The following CDH18 variants were observed in gnomAD, a reference collection of about 807,000 sequenced individuals.
CDH18 encodes the protein cadherin-18.
In CDH18, 31 loss-of-function variants were observed where a neutral mutation model predicts 67.9. The ratio of observed to expected loss-of-function variants is 0.46; its 90% CI spans 0.34 to 0.62. CDH18 has a LOEUF of 0.62. Among genes scored for constraint, CDH18 ranks in the 20% least tolerant of loss-of-function variants. The probability of loss-of-function intolerance (pLI) is 0.01; values close to 1 mark genes in which losing one functional copy is unlikely to be tolerated. For missense variants in CDH18, 890 were observed against 975.5 expected (o/e 0.91, Z 1.17); for synonymous variants, 362 against 347.2 (o/e 1.04, Z -0.48).
At chr5:20,538,026 A>AT (rs1756827033) in intron 1 of CDH18, among the ~76,000 whole-genome samples, 3 of 152,154 alleles carry the variant, frequency 2.0e-5, no homozygotes, top group African/African-American at 7.2e-5. Flanking sequence ...AGCCCATTCT[A>AT]TTTTTTGATA....
At chr5:19,669,291 T>C (rs1183947942) in intron 5 of CDH18, among the ~76,000 whole-genome samples, 1 of 145,672 alleles carries the variant, frequency 6.9e-6, no homozygotes, top group African/African-American at 2.6e-5. Flanking sequence ...TTAAATATTA[T>C]ATAATATATA....
intron 4 of CDH18, among the ~76,000 whole-genome samples, chr5:19,724,461 G>A (rs754144216): frequency 6.6e-6 from 1 of 151,796 alleles, no homozygotes; most frequent in Non-Finnish European, 1.5e-5. Context: ...TGCATAAATA[G>A]GCACAGCTGA....
At chr5:19,532,925 A>G (rs1748867870) in intron 9 of CDH18, among the ~76,000 whole-genome samples, 1 of 152,186 alleles carries the variant, frequency 6.6e-6, no homozygotes, top group Non-Finnish European at 1.5e-5. Flanking sequence ...AAGAAGATTG[A>G]GGGAGAAATC....
intron 11 of CDH18, among the ~76,000 whole-genome samples, chr5:19,488,550 G>T (rs1740774544): frequency 6.6e-6 from 1 of 152,036 alleles, no homozygotes; most frequent in African/African-American, 2.4e-5. Flanking sequence ...GTTTCATATT[G>T]TCTCTGAGTT....
intron 1 of CDH18, among the ~76,000 whole-genome samples, chr5:20,293,587 A>T (rs1285249642): frequency 2.0e-5 from 3 of 152,158 alleles, no homozygotes; most frequent in Non-Finnish European, 2.9e-5. Flanking sequence ...CATGAGGAAA[A>T]TTATTGTATC....
In CDH18 at chr5:20,212,671, G is replaced by T. The variant is rs62353932; in HGVS notation, c.-518+42773C>A. On this transcript the variant is annotated intron_variant, in intron 2 of 14. Transcript: ENST00000507958. ...TCAACCCACAAATTCATATCCGGCCGAACTAAGCTTCATAAGTGAAGGTTA... is the reference window on the plus strand; with the variant it reads ...TCAACCCACAAATTCATATCCGGCCTAACTAAGCTTCATAAGTGAAGGTTA... 2.6e-5 allele frequency among the ~76,000 whole-genome samples: 4 copies of T among 150,960 alleles called. No homozygotes were observed. In the East Asian group the frequency reaches 5.9e-4, roughly 22 times the overall value.
intron 8 of CDH18, among the ~76,000 whole-genome samples, chr5:19,550,388 T>C (rs1463334291): frequency 6.6e-6 from 1 of 152,078 alleles, no homozygotes; most frequent in Non-Finnish European, 1.5e-5. Context: ...GCATTAGGTA[T>C]ATCTCCCAAT....
chr5:20,333,037 T>G (rs1409076755), intron 1 of CDH18, among the ~76,000 whole-genome samples: 1 of 121,714 alleles, frequency 8.2e-6, no homozygotes, highest in African/African-American at 3.9e-5. Flanking sequence ...GATAAGGAAC[T>G]TTTTTTTTCC....
At chr5:20,007,539 A>T (rs1224595722) in intron 2 of CDH18, among the ~76,000 whole-genome samples, 1 of 152,160 alleles carries the variant, frequency 6.6e-6, no homozygotes, top group Non-Finnish European at 1.5e-5. Flanking sequence ...TTTAAGCATG[A>T]CTCAAAATAT....
At chr5:19,507,772 C>T (rs544222982) in intron 10 of CDH18, among the ~76,000 whole-genome samples, 12 of 151,680 alleles carry the variant, frequency 7.9e-5, no homozygotes, top group African/African-American at 1.2e-4. Context: ...GGAGGAGGGG[C>T]GAGGGATAAC....
chr5:20,177,853 C>T (rs1737363936), intron 2 of CDH18, among the ~76,000 whole-genome samples: 2 of 152,122 alleles, frequency 1.3e-5, no homozygotes. Flanking sequence ...CTCTTTGCTG[C>T]TGCCATCCAT....
At chr5:19,750,678 A>G (rs895066803) in intron 3 of CDH18, among the ~76,000 whole-genome samples, 1 of 151,970 alleles carries the variant, frequency 6.6e-6, no homozygotes. Flanking sequence ...TACTACTAAG[A>G]GAGATGCCCA....
chr5:19,950,077 C>A (rs1795647663), intron 2 of CDH18, among the ~76,000 whole-genome samples: 1 of 150,114 alleles, frequency 6.7e-6, no homozygotes. Context: ...TGTATATATC[C>A]AATGTGATAT....
At chr5:20,089,850 C>T (rs1303052916) in intron 2 of CDH18, among the ~76,000 whole-genome samples, 1 of 152,118 alleles carries the variant, frequency 6.6e-6, no homozygotes, top group Admixed American at 6.5e-5. Flanking sequence ...AGATTTGCCA[C>T]ATTACTTTTT....
chr5:19,506,949 C>T (rs1245349265), intron 10 of CDH18, among the ~76,000 whole-genome samples: 1 of 152,134 alleles, frequency 6.6e-6, no homozygotes, highest in East Asian at 1.9e-4. Context: ...AAAGAAACTA[C>T]CATCAGAGTG....
chr5:19,564,652 G>C (rs866940758), intron 8 of CDH18, among the ~76,000 whole-genome samples: 1 of 152,242 alleles, frequency 6.6e-6, no homozygotes, highest in East Asian at 1.9e-4. Context: ...GCTATGGGGA[G>C]AGACTCTTCC....
intron 1 of CDH18, among the ~76,000 whole-genome samples, chr5:20,501,500 CATATTTTATATAT>C (rs70954664): frequency 0.55 from 58,502 of 107,306 alleles, 14,923 homozygotes; most frequent in East Asian, 0.62. Context: ...ATTTTATATA[CATATTTTATATAT>C]ATTATATACA....
intron 6 of CDH18, among the ~76,000 whole-genome samples, chr5:19,603,172 A>G (rs1474510609): frequency 1.3e-5 from 2 of 152,136 alleles, no homozygotes; most frequent in Non-Finnish European, 1.5e-5. Context: ...TAAAATATTA[A>G]TTATCATTAC....
At chr5:19,474,667 C>G (rs1361455987) in intron 12 of CDH18, among the ~76,000 whole-genome samples, 1 of 152,120 alleles carries the variant, frequency 6.6e-6, no homozygotes, top group African/African-American at 2.4e-5. Context: ...AATGTGATTT[C>G]TCGCATCACA....
Sources: allele counts gnomAD v4.1 joint callset (sites outside exome capture counted in the v4.1 genomes callset), GRCh38; gene constraint gnomAD v4.1.1; transcripts MANE v1.5; gene names NCBI Gene and HGNC (gene_info 2026-07-23, HGNC 2026-07-21).